The following THSD4 variants were observed in gnomAD, a reference collection of about 807,000 sequenced individuals.
THSD4 encodes the protein thrombospondin type 1 domain containing 4.
In THSD4, 69 loss-of-function variants were observed where a neutral mutation model predicts 119.0. That is an observed-to-expected ratio of 0.58 (90% CI 0.48 to 0.71). The LOEUF (loss-of-function observed/expected upper bound fraction) is 0.71, where lower values mean the gene tolerates loss of function less well. Among genes scored for constraint, THSD4 ranks in the 30% least tolerant of loss-of-function variants. The pLI, the probability that THSD4 is intolerant of heterozygous loss-of-function variation, is 0.00. For synonymous variants in THSD4, 524 were observed against 540.4 expected (o/e 0.97, Z 0.42); for missense variants, 1,393 against 1,391.1 (o/e 1.00, Z -0.02).
intron 6 of THSD4, among the ~76,000 whole-genome samples, chr15:71,317,598 A>T (rs979178245): frequency 6.6e-6 from 1 of 152,180 alleles, no homozygotes; most frequent in Admixed American, 6.5e-5. Context: ...AAGTTATTAC[A>T]ATTGAAGGTA....
chr15:71,768,025 T>C (rs2053744494), intron 16 of THSD4, among the ~76,000 whole-genome samples: 1 of 152,212 alleles, frequency 6.6e-6, no homozygotes, highest in African/African-American at 2.4e-5. Flanking sequence ...GTCATCATCA[T>C]AGGATGTTAG....
chr15:71,580,220 T>C (rs78382505), intron 7 of THSD4, among the ~76,000 whole-genome samples: 3,101 of 152,018 alleles, frequency 0.02, 96 homozygotes, highest in African/African-American at 0.07. Context: ...TAGAGAGATA[T>C]GGAGAGATGT....
At chr15:71,278,772 C>G (rs902573061) in intron 6 of THSD4, among the ~76,000 whole-genome samples, 1 of 152,106 alleles carries the variant, frequency 6.6e-6, no homozygotes, top group African/African-American at 2.4e-5. Context: ...CAAACCTTGT[C>G]ACGAGTTTAG....
chr15:71,676,538 C>T (rs137887880), intron 8 of THSD4, among the ~76,000 whole-genome samples: 1 of 152,258 alleles, frequency 6.6e-6, no homozygotes, highest in East Asian at 1.9e-4. Flanking sequence ...CCTCGGCCTC[C>T]CAAAGTGCTG....
intron 7 of THSD4, among the ~76,000 whole-genome samples, chr15:71,526,220 C>T (rs2048516465): frequency 6.6e-6 from 1 of 152,170 alleles, no homozygotes; most frequent in East Asian, 1.9e-4. Flanking sequence ...ATGGACTTTA[C>T]TTCCTGGTGG....
At chr15:71,571,755 GC>G (rs1402349641) in intron 7 of THSD4, among the ~76,000 whole-genome samples, 1 of 152,082 alleles carries the variant, frequency 6.6e-6, no homozygotes. Flanking sequence ...CTACAGACAA[GC>G]TTTATTCCCC....
chr15:71,428,789 A>T (rs2046906725), intron 7 of THSD4, among the ~76,000 whole-genome samples: 1 of 152,210 alleles, frequency 6.6e-6, no homozygotes, highest in Admixed American at 6.5e-5. Context: ...CCAGTGGTTG[A>T]TAATTTCTTT....
intron 3 of THSD4, among the ~76,000 whole-genome samples, chr15:71,187,952 C>G (rs531160577): frequency 2.0e-5 from 3 of 152,246 alleles, no homozygotes; most frequent in African/African-American, 7.2e-5. Context: ...TTTAAGGTAA[C>G]CAGACATCCT....
chr15:71,549,904 C>G (rs1258660595), intron 7 of THSD4: 1 of 152,592 alleles, frequency 6.6e-6, no homozygotes, highest in Non-Finnish European at 1.5e-5. Flanking sequence ...GCAAAGCAAG[C>G]CTTGTTTGGC....
At chr15:71,359,026 A>G (rs1030937397) in intron 6 of THSD4, among the ~76,000 whole-genome samples, 1 of 152,212 alleles carries the variant, frequency 6.6e-6, no homozygotes, top group African/African-American at 2.4e-5. Context: ...TGGCTGTGTA[A>G]TGGCAAGGAT....
intron 7 of THSD4, among the ~76,000 whole-genome samples, chr15:71,444,177 C>T (rs976874722): frequency 3.3e-5 from 5 of 152,266 alleles, no homozygotes; most frequent in South Asian, 4.1e-4. Context: ...TGGACAGGCA[C>T]GCAGAGAGGT....
chr15:71,482,678 C>G (rs1268533528), intron 7 of THSD4, among the ~76,000 whole-genome samples: 1 of 151,670 alleles, frequency 6.6e-6, no homozygotes, highest in African/African-American at 2.4e-5. Flanking sequence ...CTCCACCTCC[C>G]AAGTTCAAGC....
At chr15:71,167,800 CT>C (rs1567143543) in intron 3 of THSD4, among the ~76,000 whole-genome samples, 1 of 152,148 alleles carries the variant, frequency 6.6e-6, no homozygotes, top group African/African-American at 2.4e-5. Context: ...AAAGACATCA[CT>C]TTTTTTCTCA....
intron 3 of THSD4, among the ~76,000 whole-genome samples, chr15:71,174,953 A>C (rs573861325): frequency 0.01 from 1,538 of 151,120 alleles, 26 homozygotes; most frequent in African/African-American, 0.035. Flanking sequence ...AAACTAACAA[A>C]CAGAAAGGAC....
At chr15:71,486,549 C>T (rs541051056) in intron 7 of THSD4, among the ~76,000 whole-genome samples, 1 of 151,306 alleles carries the variant, frequency 6.6e-6, no homozygotes, top group Non-Finnish European at 1.5e-5. Flanking sequence ...TTATCGCTCA[C>T]ATCTTACTGA....
At chr15:71,532,610 C>A (rs908161583) in intron 7 of THSD4, among the ~76,000 whole-genome samples, 2 of 152,108 alleles carry the variant, frequency 1.3e-5, no homozygotes, top group African/African-American at 4.8e-5. Context: ...CCACCACATC[C>A]AGCCAGGGTG....
chr15:71,472,451 G>C (rs996203929), intron 7 of THSD4, among the ~76,000 whole-genome samples: 2 of 152,118 alleles, frequency 1.3e-5, no homozygotes, highest in Non-Finnish European at 2.9e-5. Context: ...TCTGAGCAGG[G>C]ATCCTTTCCA....
chr15:71,720,040 T>TTTC (rs2052689930), intron 8 of THSD4, among the ~76,000 whole-genome samples: 3 of 145,374 alleles, frequency 2.1e-5, no homozygotes, highest in Non-Finnish European at 4.5e-5. Context: ...TTTTTTCTTT[T>TTTC]TTTTTTTTTT....
At chr15:71,444,639 T>C (rs992916174) in intron 7 of THSD4, among the ~76,000 whole-genome samples, 1 of 152,216 alleles carries the variant, frequency 6.6e-6, no homozygotes, top group African/African-American at 2.4e-5. Context: ...CTTGGGTTTC[T>C]GATTTTGGTG....
Sources: gnomAD v4.1 joint callset for allele counts (sites outside exome capture counted in the v4.1 genomes callset) on GRCh38, gnomAD v4.1.1 for gene constraint, MANE v1.5 for transcripts, NCBI Gene and HGNC (gene_info 2026-07-23, HGNC 2026-07-21) for gene names.